The following PRKD1 variants were observed in gnomAD, a reference collection of about 807,000 sequenced individuals.
PRKD1 encodes protein kinase D1, also known as serine/threonine-protein kinase D1.
PRKD1 carries 63 observed loss-of-function variants against 95.9 expected under a neutral mutation model. That is an observed-to-expected ratio of 0.66 (90% CI 0.54 to 0.81). The LOEUF (loss-of-function observed/expected upper bound fraction) is 0.81. Ranked by LOEUF, PRKD1 falls within the 30% of genes least tolerant of loss-of-function variation. The probability of loss-of-function intolerance (pLI) is 0.00; values close to 1 mark genes in which losing one functional copy is unlikely to be tolerated. For missense variants in PRKD1, 1,048 were observed against 1,165.3 expected, an observed-to-expected ratio of 0.90 and a Z score of 1.47; for synonymous variants, 425 against 423.1, an observed-to-expected ratio of 1.00 and a Z score of -0.05.
chr14:29,844,637 T>C (rs772083351), intron 1 of PRKD1, among the ~76,000 whole-genome samples: 11 of 152,192 alleles, frequency 7.2e-5, no homozygotes, highest in Non-Finnish European at 1.0e-4. Context: ...TACATAGACA[T>C]AGGTAAGAAA....
intron 6 of PRKD1, among the ~76,000 whole-genome samples, chr14:29,637,535 T>A (rs1050391345): frequency 6.6e-6 from 1 of 152,146 alleles, no homozygotes. Flanking sequence ...CTGTTCTGTA[T>A]CCCCTTAGTT....
intron 1 of PRKD1, among the ~76,000 whole-genome samples, chr14:29,837,472 AAAAGT>A (rs1253914623): frequency 5.3e-5 from 8 of 152,174 alleles, no homozygotes; most frequent in African/African-American, 1.9e-4. Flanking sequence ...TTAACACTAT[AAAAGT>A]AAAGAGGTAA....
intron 13 of PRKD1, among the ~76,000 whole-genome samples, chr14:29,605,261 C>A (rs1443478480): frequency 6.6e-6 from 1 of 152,208 alleles, no homozygotes; most frequent in Non-Finnish European, 1.5e-5. Context: ...TTCAAGCCCA[C>A]AAATGAATCA....
At chr14:29,897,751 A>C (rs1340849774) in intron 1 of PRKD1, among the ~76,000 whole-genome samples, 1 of 152,176 alleles carries the variant, frequency 6.6e-6, no homozygotes, top group Non-Finnish European at 1.5e-5. Flanking sequence ...CTCACTTGGC[A>C]GAAACTGGTT....
chr14:29,919,418 G>A (rs925066954), intron 1 of PRKD1, among the ~76,000 whole-genome samples: 4 of 152,116 alleles, frequency 2.6e-5, no homozygotes, highest in African/African-American at 7.2e-5. Flanking sequence ...TGAACACTCT[G>A]TATATTTAAT....
chr14:29,711,634 C>T (rs909907497), intron 2 of PRKD1, among the ~76,000 whole-genome samples: 5 of 152,048 alleles, frequency 3.3e-5, no homozygotes, highest in African/African-American at 9.7e-5. Flanking sequence ...CCAAGCAAAA[C>T]GTATCAATCA....
intron 2 of PRKD1, among the ~76,000 whole-genome samples, chr14:29,690,854 C>T (rs1396692227): frequency 6.6e-6 from 1 of 152,196 alleles, no homozygotes; most frequent in African/African-American, 2.4e-5. Flanking sequence ...AAATCCTAGT[C>T]ATCCTTCAGT....
At chr14:29,848,043 T>C (rs1199235892) in intron 1 of PRKD1, among the ~76,000 whole-genome samples, 1 of 152,164 alleles carries the variant, frequency 6.6e-6, no homozygotes. Flanking sequence ...TAAGAATGCT[T>C]GGATGGTCAA....
chr14:29,604,927 A>G (rs1471590106), intron 13 of PRKD1, among the ~76,000 whole-genome samples: 2 of 152,120 alleles, frequency 1.3e-5, no homozygotes, highest in Admixed American at 6.6e-5. Context: ...CTCCACCCAA[A>G]CTTATTCTTC....
chr14:29,830,950 G>C (rs1052858877), intron 1 of PRKD1, among the ~76,000 whole-genome samples: 6 of 152,156 alleles, frequency 3.9e-5, no homozygotes, highest in African/African-American at 1.4e-4. Flanking sequence ...CTCCCAAAGT[G>C]TTGGGTTTAT....
At chr14:29,723,056 G>A (rs1190963571) in intron 2 of PRKD1, among the ~76,000 whole-genome samples, 7 of 152,042 alleles carry the variant, frequency 4.6e-5, no homozygotes, top group Admixed American at 1.3e-4. Flanking sequence ...TGTCTTATTG[G>A]TGAAGTCAGG....
At chr14:29,899,083 C>T (rs1894229462) in intron 1 of PRKD1, among the ~76,000 whole-genome samples, 3 of 152,064 alleles carry the variant, frequency 2.0e-5, no homozygotes, top group Admixed American at 2.0e-4. Flanking sequence ...TTAGCATTTG[C>T]TATTTTGAGT....
At chr14:29,748,988 A>C (rs1327317979) in intron 1 of PRKD1, among the ~76,000 whole-genome samples, 1 of 152,150 alleles carries the variant, frequency 6.6e-6, no homozygotes, top group Non-Finnish European at 1.5e-5. Context: ...AAACAAATGC[A>C]CTCATAGATA....
intron 1 of PRKD1, among the ~76,000 whole-genome samples, chr14:29,780,320 T>G (rs925564722): frequency 6.6e-5 from 10 of 152,094 alleles, no homozygotes; most frequent in Admixed American, 5.2e-4. Flanking sequence ...CTTCTGCACA[T>G]CAAAAGAAAC....
chr14:29,766,818 C>A (rs1426322737), intron 1 of PRKD1, among the ~76,000 whole-genome samples: 1 of 152,038 alleles, frequency 6.6e-6, no homozygotes, highest in Non-Finnish European at 1.5e-5. Context: ...AGGAACAAAA[C>A]AAAAACTTTT....
At position 29,927,537 on chromosome 14, in the gene PRKD1, C is replaced by T; in HGVS notation, c.-25G>A. The T allele has an allele frequency of 8.7e-7, 1 of 1,153,362 alleles. No individual in the cohort carries two copies. The allele number at this position is 1,153,362 out of a possible 1,614,324, so 71.4% of individuals were successfully genotyped here. A position where few individuals can be genotyped will look rare whatever the true frequency, so the allele number is the denominator to read the frequency against. On this transcript the variant is annotated 5_prime_UTR_variant, in exon 1 of 18. Coordinates refer to ENST00000331968, the MANE Select transcript of PRKD1 (RefSeq NM_002742.3). The stretch of plus-strand genomic sequence containing the variant: ...TCGCTCGGCGGGGCGCAGGGCCGGG[C>T]AGCGGAGGGCGGGGGCTGGCGGCGC...
chr14:29,720,459 T>G (rs940748478), intron 2 of PRKD1, among the ~76,000 whole-genome samples: 3 of 152,086 alleles, frequency 2.0e-5, no homozygotes, highest in African/African-American at 7.2e-5. Context: ...TAGAAGCTTT[T>G]TGTTTGATTA....
In PRKD1 at chr14:29,905,036, A is replaced by T. The variant is rs528920555; in HGVS notation, c.264+22213T>A. Among the ~76,000 whole-genome samples the T allele has an allele frequency of 2.6e-5, 4 of 152,328 alleles. No homozygotes were observed. In the East Asian group the frequency reaches 7.7e-4, roughly 29 times the overall value. On this transcript the variant is annotated intron_variant, in intron 1 of 17. Coordinates refer to ENST00000331968, the MANE Select transcript of PRKD1 (RefSeq NM_002742.3). The stretch of plus-strand genomic sequence containing the variant: ...ACACTTCCTAAACTGATTTTCAGGT[A>T]CACCACAACGGGAATTACTGGACTG...
At position 29,597,757 on chromosome 14, in the gene PRKD1, A is replaced by C. The variant is rs1418014039; in HGVS notation, c.2168T>G (p.Val723Gly). ...LLASADPFPQ[V>G]KLCDFGFARI... The stretch of plus-strand genomic sequence containing the variant: ...GGCAAAACCAAAATCACAAAGTTTC[A>C]CCTGTTGATGAAAGGATTTGCAGAA... Residue 723 changes from valine (V) to glycine (G), a missense_variant and splice_region_variant, in exon 16 of 18, where the codon GTG becomes GGG. By Grantham distance (109) the Val-to-Gly change is moderately radical. This residue lies in a region of PRKD1 where 739 missense variants were observed against 861.9 expected (regional missense o/e 0.86). Transcript: ENST00000331968. 1 of 1,609,084 alleles carries C rather than the reference A, an allele frequency of 6.2e-7. No individual in the cohort carries two copies. Among genetic ancestry groups the C allele is most frequent in the Non-Finnish European group, 8.5e-7 (1 of 1,177,324 alleles).
Sources: gnomAD v4.1 joint callset for allele counts (sites outside exome capture counted in the v4.1 genomes callset) on GRCh38, gnomAD v4.1.1 for gene constraint, gnomAD v4.1.1 regional missense constraint, MANE v1.5 for transcripts, NCBI Gene and HGNC (gene_info 2026-07-23, HGNC 2026-07-21) for gene names.